RBFOX1: variants seen among roughly 807,000 people sequenced by gnomAD.
RBFOX1 encodes RNA binding fox-1 homolog 1, also known as RNA binding protein fox-1 homolog 1.
In RBFOX1, 8 loss-of-function variants were observed where a neutral mutation model predicts 57.7. The ratio of observed to expected loss-of-function variants is 0.14; its 90% CI spans 0.08 to 0.25. RBFOX1 has a LOEUF of 0.25. Among genes scored for constraint, RBFOX1 ranks in the 10% least tolerant of loss-of-function variants. RBFOX1 has a pLI of 1.00. For synonymous variants in RBFOX1, 326 were observed against 222.4 expected, an observed-to-expected ratio of 1.47 and a Z score of -4.15; for missense variants, 611 against 548.5, an observed-to-expected ratio of 1.11 and a Z score of -1.14.
intron 4 of RBFOX1, among the ~76,000 whole-genome samples, chr16:7,389,160 G>C (rs2097943380): frequency 6.6e-6 from 1 of 152,050 alleles, no homozygotes; most frequent in Admixed American, 6.6e-5. Flanking sequence ...GAGTCTCACT[G>C]TGTCACCCAG....
chr16:5,728,380 C>G (rs2052233711), intron 3 of RBFOX1, among the ~76,000 whole-genome samples: 2 of 152,170 alleles, frequency 1.3e-5, no homozygotes, highest in African/African-American at 2.4e-5. Flanking sequence ...AGCACGGACT[C>G]CTGTGTGCAA....
At chr16:6,457,484 C>G (rs1321386534) in intron 2 of RBFOX1, among the ~76,000 whole-genome samples, 3 of 143,104 alleles carry the variant, frequency 2.1e-5, no homozygotes, top group Non-Finnish European at 1.5e-5. Context: ...AGAAGTGTGC[C>G]TTCCATGATA....
rs148030818 is a variant in RBFOX1 at position 6,135,225 on chromosome 16, A to G, written c.-127+115233A>G. Among the ~76,000 whole-genome samples the G allele has an allele frequency of 2.5e-3, 375 of 152,336 alleles. 2 individuals are homozygous for G. The highest frequency in any genetic ancestry group is 8.1e-3 in the African/African-American group (338 of 41,578). On this transcript the variant is annotated intron_variant, in intron 1 of 15. Coordinates refer to ENST00000550418, the MANE Select transcript of RBFOX1 (RefSeq NM_018723.4). ...TCCTAAACAGCAAAATATAGATGGCATTCCAATGCACCCACAGAAGAGGTT... is the reference window on the plus strand; with the variant it reads ...TCCTAAACAGCAAAATATAGATGGCGTTCCAATGCACCCACAGAAGAGGTT...
At chr16:6,554,851 C>A (rs1403703229) in intron 2 of RBFOX1, among the ~76,000 whole-genome samples, 2 of 148,368 alleles carry the variant, frequency 1.3e-5, no homozygotes, top group African/African-American at 2.6e-5. Context: ...CTCTCACTCT[C>A]GCTCTGTCGC....
At chr16:5,592,287 A>C (rs1282407987) in intron 2 of RBFOX1, among the ~76,000 whole-genome samples, 1 of 151,518 alleles carries the variant, frequency 6.6e-6, no homozygotes, top group East Asian at 1.9e-4. Flanking sequence ...TTTGTCTTCT[A>C]CTTTGTTTAT....
At chr16:5,452,653 T>TA (rs202218912) in intron 1 of RBFOX1, among the ~76,000 whole-genome samples, 1,906 of 151,900 alleles carry the variant, frequency 0.013, 56 homozygotes, top group African/African-American at 0.044. Flanking sequence ...CCTTGACTTT[T>TA]TTTTTTTTGA....
At chr16:5,922,819 C>T (rs1182428142) in intron 4 of RBFOX1, among the ~76,000 whole-genome samples, 1 of 152,196 alleles carries the variant, frequency 6.6e-6, no homozygotes, top group Non-Finnish European at 1.5e-5. Context: ...TGCATGTGAG[C>T]CCAGCCACAG....
At chr16:6,005,996 C>G (rs538007801) in intron 4 of RBFOX1, among the ~76,000 whole-genome samples, 2 of 152,228 alleles carry the variant, frequency 1.3e-5, no homozygotes, top group Non-Finnish European at 2.9e-5. Context: ...AGGCTTGGGC[C>G]AATTCATGGA....
chr16:7,619,087 T>G (rs1669331473), intron 10 of RBFOX1, among the ~76,000 whole-genome samples: 1 of 152,210 alleles, frequency 6.6e-6, no homozygotes, highest in Non-Finnish European at 1.5e-5. Context: ...GTTATTTTGT[T>G]GAGAGATTAA....
At chr16:6,587,336 C>T (rs1257127727) in intron 2 of RBFOX1, among the ~76,000 whole-genome samples, 1 of 152,090 alleles carries the variant, frequency 6.6e-6, no homozygotes, top group Admixed American at 6.5e-5. Flanking sequence ...GGCTATAGTG[C>T]CGTGGTGCCA....
chr16:5,799,014 T>C (rs1489056035), intron 3 of RBFOX1, among the ~76,000 whole-genome samples: 1 of 152,164 alleles, frequency 6.6e-6, no homozygotes, highest in Non-Finnish European at 1.5e-5. Context: ...TCTGTTTTCA[T>C]GCTGCTAATG....
chr16:7,695,920 C>T (rs534253886), intron 14 of RBFOX1, among the ~76,000 whole-genome samples: 3 of 152,072 alleles, frequency 2.0e-5, no homozygotes, highest in African/African-American at 4.8e-5. Context: ...CACATTGATG[C>T]CCATGGTGGA....
At chr16:7,191,321 C>T (rs1461566093) in intron 4 of RBFOX1, among the ~76,000 whole-genome samples, 2 of 140,776 alleles carry the variant, frequency 1.4e-5, no homozygotes, top group Admixed American at 1.4e-4. Context: ...GACGTATAAT[C>T]CGTTGCTGAC....
At chr16:7,265,408 T>C (rs1403364040) in intron 4 of RBFOX1, among the ~76,000 whole-genome samples, 1 of 151,944 alleles carries the variant, frequency 6.6e-6, no homozygotes, top group East Asian at 1.9e-4. Context: ...TTTCTTTATG[T>C]TTTCTTTTCT....
chr16:5,580,823 A>G (rs544931527), intron 2 of RBFOX1, among the ~76,000 whole-genome samples: 2 of 152,304 alleles, frequency 1.3e-5, no homozygotes, highest in East Asian at 3.9e-4. Flanking sequence ...GGCAGATGGC[A>G]TTTACATGGT....
intron 3 of RBFOX1, among the ~76,000 whole-genome samples, chr16:5,821,394 C>A (rs144086036): frequency 1.2e-3 from 188 of 150,782 alleles, no homozygotes; most frequent in African/African-American, 4.3e-3. Context: ...CCTTTGACTC[C>A]TGGACATGAG....
intron 1 of RBFOX1, among the ~76,000 whole-genome samples, chr16:6,215,195 G>T (rs577466345): frequency 8.5e-6 from 1 of 117,184 alleles, no homozygotes; most frequent in Non-Finnish European, 1.8e-5. Context: ...AGAAGGAGAG[G>T]AGGATAAGGA....
intron 1 of RBFOX1, among the ~76,000 whole-genome samples, chr16:6,253,836 G>T (rs754296848): frequency 5.9e-5 from 9 of 152,108 alleles, no homozygotes; most frequent in Non-Finnish European, 1.2e-4. Context: ...CCGCCACAGT[G>T]CATTTAACTC....
chr16:6,911,571 A>G (rs575244327), intron 3 of RBFOX1, among the ~76,000 whole-genome samples: 1 of 152,260 alleles, frequency 6.6e-6, no homozygotes, highest in Admixed American at 6.5e-5. Context: ...TATGACCCAT[A>G]ATGACTTAAT....
Sources: gnomAD v4.1 joint callset for allele counts (sites outside exome capture counted in the v4.1 genomes callset) on GRCh38, gnomAD v4.1.1 for gene constraint, MANE v1.5 for transcripts, NCBI Gene and HGNC (gene_info 2026-07-23, HGNC 2026-07-21) for gene names.